GRM8: variants seen among roughly 807,000 people sequenced by gnomAD.
GRM8 encodes the protein metabotropic glutamate receptor 8.
Under a neutral mutation model 87.2 loss-of-function variants are expected in GRM8, and 47 were observed. The observed-to-expected ratio is 0.54, with a 90% CI of 0.43 to 0.69. The LOEUF is 0.69. Among genes scored for constraint, GRM8 ranks in the 30% least tolerant of loss-of-function variants. GRM8 has a pLI of 0.00. For synonymous variants in GRM8, 396 were observed against 404.5 expected (o/e 0.98, Z 0.25); for missense variants, 1,019 against 1,139.2 (o/e 0.89, Z 1.52).
intron 8 of GRM8, among the ~76,000 whole-genome samples, chr7:126,554,532 G>T (rs1259505427): frequency 6.6e-6 from 1 of 152,070 alleles, no homozygotes; most frequent in Non-Finnish European, 1.5e-5. Context: ...GGTTGAGGCT[G>T]CAGTGAGTTA....
At chr7:127,165,432 A>T (rs1245003278) in intron 2 of GRM8, among the ~76,000 whole-genome samples, 2 of 151,952 alleles carry the variant, frequency 1.3e-5, no homozygotes, top group Admixed American at 1.3e-4. Context: ...AGTAGCCATG[A>T]TAATCCAGAA....
At chr7:127,049,761 A>G (rs973723735) in intron 3 of GRM8, among the ~76,000 whole-genome samples, 3 of 152,186 alleles carry the variant, frequency 2.0e-5, no homozygotes, top group East Asian at 1.9e-4. Context: ...CACAGAAGAC[A>G]GCCCCATGGA....
At chr7:127,148,730 T>C (rs1412105899) in intron 2 of GRM8, among the ~76,000 whole-genome samples, 2 of 151,866 alleles carry the variant, frequency 1.3e-5, no homozygotes, top group Non-Finnish European at 2.9e-5. Flanking sequence ...AAACAACCAA[T>C]GGGTCAAAGA....
At position 127,106,514 on chromosome 7, in the gene GRM8, G is replaced by T; in HGVS notation, c.709C>A (p.Gln237Lys). 6.2e-7 allele frequency: 1 copy of T among 1,612,876 alleles called. No homozygotes were observed. Among genetic ancestry groups the T allele is most frequent in the Non-Finnish European group, 8.5e-7 (1 of 1,179,004 alleles). ...TGCTTACCAATCTCCCTCGAGATCT[G>T]GGTGAAGGCCTCCACACCGCTCTCA... ...YGESGVEAFT[Q>K]ISREIGGVCI... is the part of the protein sequence containing the mutation. The change falls in exon 3 of 11, where the codon CAG becomes AAG. Residue 237 changes from glutamine to lysine, a missense_variant. Gln to Lys is a moderately conservative substitution (Grantham distance 53, BLOSUM62 1). Coordinates refer to ENST00000339582, the MANE Select transcript of GRM8 (RefSeq NM_000845.3).
chr7:126,471,838 C>A (rs1563043751), intron 9 of GRM8, among the ~76,000 whole-genome samples: 1 of 152,002 alleles, frequency 6.6e-6, no homozygotes, highest in Non-Finnish European at 1.5e-5. Flanking sequence ...GAATGTTCTT[C>A]CATTTGTTTG....
At chr7:127,248,932 T>A (rs1490446313) in intron 1 of GRM8, among the ~76,000 whole-genome samples, 1 of 152,126 alleles carries the variant, frequency 6.6e-6, no homozygotes, top group Non-Finnish European at 1.5e-5. Context: ...CCTGGAAAAC[T>A]AAAGGTCATG....
intron 3 of GRM8, among the ~76,000 whole-genome samples, chr7:126,957,377 T>C (rs1808818086): frequency 2.0e-5 from 3 of 152,080 alleles, no homozygotes; most frequent in Admixed American, 1.3e-4. Context: ...TCCGCAGGAA[T>C]AGGTGGGAGC....
intron 6 of GRM8, among the ~76,000 whole-genome samples, chr7:126,851,515 A>T (rs1797209331): frequency 6.6e-6 from 1 of 151,986 alleles, no homozygotes; most frequent in Admixed American, 6.6e-5. Context: ...CTTCTATCTG[A>T]CCTCATCTCC....
intron 9 of GRM8, among the ~76,000 whole-genome samples, chr7:126,495,658 G>A (rs1808616633): frequency 6.6e-6 from 1 of 151,868 alleles, no homozygotes; most frequent in African/African-American, 2.4e-5. Context: ...TCATCATTAG[G>A]GGTATCAAAA....
At chr7:126,614,237 A>C (rs1799216547) in intron 7 of GRM8, among the ~76,000 whole-genome samples, 1 of 152,156 alleles carries the variant, frequency 6.6e-6, no homozygotes, top group Non-Finnish European at 1.5e-5. Flanking sequence ...ACTACTCTGC[A>C]GCCTCCACTG....
rs17864124 is a variant in GRM8 at position 127,088,948 on chromosome 7, C to T, written c.727+17548G>A. On this transcript the variant is annotated intron_variant, in intron 3 of 10. Coordinates refer to ENST00000339582, the MANE Select transcript of GRM8 (RefSeq NM_000845.3). ...ACAGTGGGGGCCAAGCCTTGGACTT[C>T]TGCGGACACAATTGGAAGCGAAGCA... Among the ~76,000 whole-genome samples the T allele has an allele frequency of 4.4e-3, 671 of 152,314 alleles. 3 individuals carry two copies. The highest frequency in any genetic ancestry group is 6.8e-3 in the Middle Eastern group (2 of 294).
chr7:126,494,892 T>C (rs1402901853), intron 9 of GRM8, among the ~76,000 whole-genome samples: 1 of 152,062 alleles, frequency 6.6e-6, no homozygotes, highest in East Asian at 1.9e-4. Flanking sequence ...GAAAATACTA[T>C]ATACTTGGTT....
At chr7:126,803,754 T>C (rs903511939) in intron 6 of GRM8, among the ~76,000 whole-genome samples, 1 of 152,222 alleles carries the variant, frequency 6.6e-6, no homozygotes, top group South Asian at 2.1e-4. Context: ...CAAACAGCCA[T>C]GAATTTAAGT....
chr7:127,064,831 C>T (rs868488588), intron 3 of GRM8, among the ~76,000 whole-genome samples: 3 of 152,144 alleles, frequency 2.0e-5, no homozygotes, highest in South Asian at 2.1e-4. Context: ...CATCTCATAC[C>T]GGTCAGAATG....
chr7:127,093,155 T>A (rs571847625), intron 3 of GRM8, among the ~76,000 whole-genome samples: 1 of 152,294 alleles, frequency 6.6e-6, no homozygotes, highest in East Asian at 1.9e-4. Context: ...TCATGGCATC[T>A]CACTCTGTAG....
At chr7:126,547,943 G>C (rs964734466) in intron 8 of GRM8, among the ~76,000 whole-genome samples, 1 of 150,958 alleles carries the variant, frequency 6.6e-6, no homozygotes, top group African/African-American at 2.4e-5. Flanking sequence ...AAGAAAATAA[G>C]TGAAGGAAGA....
rs79363260 is a variant in GRM8, at chr7:126,605,109, C to T, written c.1494+4253G>A. Among the ~76,000 whole-genome samples, 514 of 152,248 alleles carry T rather than the reference C, an allele frequency of 3.4e-3. 3 individuals are homozygous for T. The highest frequency in any genetic ancestry group is 0.011 in the African/African-American group (470 of 41,548). On this transcript the variant is annotated intron_variant, in intron 8 of 10. Transcript: ENST00000339582. ...AGCCCCGAGTTATTTTTGGCCCATA[C>T]AGCATCCCCAGTACACGTTCTCCCT...
rs552379783 is a variant in GRM8 at position 127,205,823 on chromosome 7, G to T, written c.510+36872C>A. Among the ~76,000 whole-genome samples, 5 of 152,046 alleles carry T rather than the reference G, an allele frequency of 3.3e-5. No homozygotes were observed. The East Asian group carries it at 9.7e-4, about 29-fold the overall frequency. On this transcript the variant is annotated intron_variant, in intron 2 of 10. Coordinates refer to ENST00000339582, the MANE Select transcript of GRM8 (RefSeq NM_000845.3). The stretch of plus-strand genomic sequence containing the variant: ...GACCTTCACCTTTCTCTTCACCCAG[G>T]CTCCATGTATTCCCTTGTATTCTCA...
chr7:126,620,159 GCACCTGTACTCCT>G (rs1230771662), intron 7 of GRM8, among the ~76,000 whole-genome samples: 1 of 152,174 alleles, frequency 6.6e-6, no homozygotes, highest in Non-Finnish European at 1.5e-5. Flanking sequence ...ATGGTGGCAT[GCACCTGTACTCCT>G]CATTACTCAG....
Sources: gnomAD v4.1 joint callset for allele counts (sites outside exome capture counted in the v4.1 genomes callset) on GRCh38, gnomAD v4.1.1 for gene constraint, MANE v1.5 for transcripts, NCBI Gene and HGNC (gene_info 2026-07-23, HGNC 2026-07-21) for gene names.